Variants in TMEM132E observed in about 807,000 individuals in gnomAD.
TMEM132E encodes transmembrane protein 132E.
In TMEM132E, 49 loss-of-function variants were observed where a neutral mutation model predicts 78.5. That is an observed-to-expected ratio of 0.62 (90% CI 0.50 to 0.79). The LOEUF is 0.79. TMEM132E is among the 30% of genes least tolerant of loss of function. The pLI, the probability that TMEM132E is intolerant of heterozygous loss-of-function variation, is 0.00. For synonymous variants in TMEM132E, 715 were observed against 670.6 expected, an observed-to-expected ratio of 1.07 and a Z score of -1.02; for missense variants, 1,403 against 1,470.9, an observed-to-expected ratio of 0.95 and a Z score of 0.75.
In TMEM132E at chr17:34,636,166, G is replaced by A; in HGVS notation, c.2137G>A (p.Ala713Thr). The A allele has an allele frequency of 6.5e-7, 1 of 1,547,188 alleles. No individual in the cohort carries two copies. Among genetic ancestry groups the A allele is most frequent in the Non-Finnish European group, 8.7e-7 (1 of 1,149,236 alleles). Residue 713 changes from alanine (A) to threonine (T), a missense_variant, in exon 8 of 9, where the codon GCT becomes ACT. Ala to Thr is a moderately conservative substitution (Grantham distance 58). Coordinates refer to ENST00000631683, the MANE Select transcript of TMEM132E (RefSeq NM_001304438.2). ...CAGCCACACCATCCTAGCCACCACA[G>A]CTGCCCAACAGACCTTGAGCTTCCT... ...GSSHTILATT[A>T]AQQTLSFLKQ...
chr17:34,589,438 T>C (rs545542961), intron 1 of TMEM132E, among the ~76,000 whole-genome samples: 62 of 152,220 alleles, frequency 4.1e-4, no homozygotes, highest in Non-Finnish European at 3.2e-4. Flanking sequence ...GCATATGGGA[T>C]GCTAAGCAAC....
chr17:34,596,188 T>A (rs899344455), intron 1 of TMEM132E, among the ~76,000 whole-genome samples: 1 of 152,158 alleles, frequency 6.6e-6, no homozygotes, highest in Non-Finnish European at 1.5e-5. Flanking sequence ...TATTTGAAGA[T>A]CAGGTTCTTG....
chr17:34,626,251 G>C lies in TMEM132E; in HGVS notation c.192G>C (p.Pro64=). The part of the protein sequence containing the change: ...LAFFLREARP[P]SPAVANSSLQ... Reference sequence around the variant, plus strand: ...TCTTCCTGCGGGAGGCGCGGCCCCCGTCACCCGCGGTCGCCAACAGCTCTC... The same window carrying C: ...TCTTCCTGCGGGAGGCGCGGCCCCCCTCACCCGCGGTCGCCAACAGCTCTC... Residue 64 remains proline (P), a synonymous_variant, in exon 2 of 9, where the codon CCG becomes CCC. Coordinates refer to ENST00000631683, the MANE Select transcript of TMEM132E (RefSeq NM_001304438.2). 6.3e-7 allele frequency: 1 copy of C among 1,599,858 alleles called. No individual in the cohort carries two copies. The highest frequency in any genetic ancestry group is 1.7e-5 in the Admixed American group (1 of 58,388).
chr17:34,600,334 G>A (rs141810583), intron 1 of TMEM132E, among the ~76,000 whole-genome samples: 77 of 152,260 alleles, frequency 5.1e-4, no homozygotes, highest in African/African-American at 1.8e-3. Flanking sequence ...GTCCCTGTGT[G>A]GGAAAGTATT....
chr17:34,632,634 G>A, intron 5 of TMEM132E, 70 bp from the exon 6 acceptor site: 1 of 1,554,420 alleles, frequency 6.4e-7, no homozygotes, highest in Middle Eastern at 1.7e-4. Flanking sequence ...TTGTCAGACT[G>A]AAGTCCTCCG....
At position 34,638,118 on chromosome 17, in the gene TMEM132E, C is replaced by A; in HGVS notation, c.3111C>A (p.Asp1037Glu). The change falls in exon 9 of 9, where the codon GAC (aspartate) becomes GAA (glutamate). Residue 1037 changes from aspartate to glutamate, a missense_variant. Physicochemically the swap from Asp to Glu is conservative, Grantham distance 45. Around this residue, in one of 3 missense-constraint regions of TMEM132E, gnomAD observed 888 missense variants for 952.8 expected, o/e 0.93. Coordinates refer to ENST00000631683, the MANE Select transcript of TMEM132E (RefSeq NM_001304438.2). ...ACTCGGTGCCCGCGGGCGAAGAGGA[C>A]GAGGAGGAGGAAGAGGACCTGGGTT... Reference protein sequence around the residue: ...AYDSVPAGEEDEEEEEDLGWG... With the variant: ...AYDSVPAGEEEEEEEEDLGWG... 1 of 1,604,872 alleles carries A rather than the reference C, an allele frequency of 6.2e-7. No individual in the cohort carries two copies. Among genetic ancestry groups the A allele is most frequent in the Non-Finnish European group, 8.5e-7 (1 of 1,176,356 alleles).
intron 1 of TMEM132E, among the ~76,000 whole-genome samples, chr17:34,593,865 C>T (rs1419675453): frequency 6.6e-6 from 1 of 152,260 alleles, no homozygotes; most frequent in Non-Finnish European, 1.5e-5. Context: ...CTTTTCCCGA[C>T]ACTACTTCTT....
intron 2 of TMEM132E, 82 bp downstream of exon 2, chr17:34,627,139 TG>T: frequency 7.0e-6 from 4 of 571,540 alleles, no homozygotes; most frequent in African/African-American, 1.9e-5. Context: ...GGTTGGGGGG[TG>T]GGGGGACCTC....
intron 1 of TMEM132E, among the ~76,000 whole-genome samples, chr17:34,596,749 G>T (rs1455800101): frequency 6.7e-6 from 1 of 149,210 alleles, no homozygotes; most frequent in Non-Finnish European, 1.5e-5. Flanking sequence ...CTGCAAAGCT[G>T]ATCAGCATAA....
Position 34,627,353 on chromosome 17 carries a change from A to C in TMEM132E, c.998+296A>C, listed in dbSNP as rs576938192. On this transcript the variant is annotated intron_variant, in intron 2 of 8. Coordinates refer to ENST00000631683, the MANE Select transcript of TMEM132E (RefSeq NM_001304438.2). ...CAGTTTCACAAGCATAGATTTCCAGAATAATAGAACTGGGACTAGAAGGGC... is the reference window on the plus strand; with the variant it reads ...CAGTTTCACAAGCATAGATTTCCAGCATAATAGAACTGGGACTAGAAGGGC... Among the ~76,000 whole-genome samples the C allele has an allele frequency of 1.3e-3, 196 of 152,344 alleles. 2 individuals are homozygous for C. The South Asian group carries it at 0.039, about 30-fold the overall frequency.
rs1567722147 is a variant in TMEM132E at position 34,634,927 on chromosome 17, C to T, written c.1817C>T (p.Ser606Phe). ...QVFTQFHTTS[S>F]EGTDQVVTML... ...TTCACCCAGTTCCACACGACATCATCCGAGGGCACTGACCAGGTGGTCACC... is the reference window on the plus strand; with the variant it reads ...TTCACCCAGTTCCACACGACATCATTCGAGGGCACTGACCAGGTGGTCACC... Residue 606 changes from serine (S) to phenylalanine (F), a missense_variant, in exon 7 of 9, where the codon TCC becomes TTC. Transcript: ENST00000631683. 6.2e-7 allele frequency: 1 copy of T among 1,614,190 alleles called. No homozygotes were observed. The highest frequency in any genetic ancestry group is 8.5e-7 in the Non-Finnish European group (1 of 1,180,052).
chr17:34,608,278 C>T (rs1010233411), intron 1 of TMEM132E, among the ~76,000 whole-genome samples: 1 of 152,184 alleles, frequency 6.6e-6, no homozygotes, highest in African/African-American at 2.4e-5. Flanking sequence ...TTTCTTATTA[C>T]GTCACAATGT....
In TMEM132E at chr17:34,638,043, G is replaced by A. The variant is rs1274632931; in HGVS notation, c.3036G>A (p.Arg1012=). 2 of 1,577,944 alleles carry A rather than the reference G, an allele frequency of 1.3e-6. No individual in the cohort carries two copies. Among genetic ancestry groups the A allele is most frequent in the Non-Finnish European group, 1.7e-6 (2 of 1,162,044 alleles). Residue 1012 remains arginine, a synonymous_variant, in exon 9 of 9, where the codon CGG becomes CGA. Transcript: ENST00000631683. Reference sequence around the variant, plus strand: ...GCTCGCCCACCTCCAAGCGCAAGCGGGTCAAGTTCACCACCTTCACCACGC... The same window carrying A: ...GCTCGCCCACCTCCAAGCGCAAGCGAGTCAAGTTCACCACCTTCACCACGC... ...PASSPTSKRK[R]VKFTTFTTLP...
intron 1 of TMEM132E, among the ~76,000 whole-genome samples, chr17:34,623,831 G>C (rs986034135): frequency 1.4e-4 from 22 of 152,150 alleles, no homozygotes; most frequent in African/African-American, 5.3e-4. Flanking sequence ...TGGCCTCGGG[G>C]CCAGCATTCC....
chr17:34,604,293 A>T (rs1012621187), intron 1 of TMEM132E, among the ~76,000 whole-genome samples: 6 of 151,966 alleles, frequency 3.9e-5, no homozygotes, highest in African/African-American at 1.5e-4. Context: ...GGGACTCCAC[A>T]TCTCTCCCCT....
intron 1 of TMEM132E, 83 bp downstream of exon 1, chr17:34,581,226 C>G (rs1200883661): frequency 2.4e-6 from 3 of 1,236,820 alleles, no homozygotes; most frequent in Admixed American, 3.2e-5. Context: ...GAGAGGAGCA[C>G]CCACACCCCC....
intron 1 of TMEM132E, among the ~76,000 whole-genome samples, chr17:34,612,899 C>T (rs566088075): frequency 1.3e-5 from 2 of 152,170 alleles, no homozygotes; most frequent in South Asian, 4.1e-4. Flanking sequence ...ATGCAGTTTT[C>T]CCAGAGTTAT....
At chr17:34,611,598 G>C (rs117512530) in intron 1 of TMEM132E, among the ~76,000 whole-genome samples, 25 of 152,288 alleles carry the variant, frequency 1.6e-4, no homozygotes, top group Middle Eastern at 6.8e-3. Flanking sequence ...ACAGGAAAGA[G>C]CCCATCAGGG....
rs746705800 is a variant in TMEM132E, at chr17:34,580,121, G to T, written c.-956G>T. On this transcript the variant is annotated 5_prime_UTR_variant, in exon 1 of 9. Coordinates refer to ENST00000631683, the MANE Select transcript of TMEM132E (RefSeq NM_001304438.2). ...GGGTGGCCCGGAGCTGCCGTGAGCT[G>T]CAGGAGCCCCTCTGCATCTTACAGC... 6.6e-6 allele frequency: 1 copy of T among 152,536 alleles called. No homozygotes were observed. The highest frequency in any genetic ancestry group is 1.5e-5 in the Non-Finnish European group (1 of 68,174). 9.4% of individuals were successfully genotyped at this position (152,536 alleles called of 1,614,324 possible). A position where few individuals can be genotyped will look rare whatever the true frequency, so the allele number is the denominator to read the frequency against.
Sources: allele counts gnomAD v4.1 joint callset (sites outside exome capture counted in the v4.1 genomes callset), GRCh38; gene constraint gnomAD v4.1.1; regional missense constraint gnomAD v4.1.1; transcripts MANE v1.5; gene names NCBI Gene and HGNC (gene_info 2026-07-23, HGNC 2026-07-21).